Variants in BTBD16 observed in about 807,000 individuals in gnomAD.
BTBD16 encodes BTB domain containing 16.
Under a neutral mutation model 67.4 loss-of-function variants are expected in BTBD16, and 66 were observed. The observed-to-expected ratio is 0.98, with a 90% CI of 0.80 to 1.20. The LOEUF (loss-of-function observed/expected upper bound fraction) is 1.20. BTBD16 is among the 50% of genes most tolerant of loss of function. BTBD16 has a pLI of 0.00. For synonymous variants in BTBD16, 242 were observed against 236.4 expected, an observed-to-expected ratio of 1.02 and a Z score of -0.22; for missense variants, 634 against 616.0, an observed-to-expected ratio of 1.03 and a Z score of -0.31.
At chr10:122,314,649 T>C (rs765955482) in intron 10 of BTBD16, among the ~76,000 whole-genome samples, 9 of 152,254 alleles carry the variant, frequency 5.9e-5, no homozygotes, top group Non-Finnish European at 1.2e-4. Flanking sequence ...TTAAACATTT[T>C]TATATTCTAA....
chr10:122,313,936 A>G (rs910352025), intron 10 of BTBD16, among the ~76,000 whole-genome samples: 3 of 152,180 alleles, frequency 2.0e-5, no homozygotes, highest in African/African-American at 7.2e-5. Context: ...TTGAACCAAT[A>G]CCACACTTTC....
chr10:122,305,921 A>C (rs994328819), intron 9 of BTBD16, among the ~76,000 whole-genome samples: 9 of 151,490 alleles, frequency 5.9e-5, no homozygotes, highest in African/African-American at 1.7e-4. Flanking sequence ...ACATGCCTTC[A>C]CTCTTTTTCA....
At chr10:122,296,816 C>A (rs1048661683) in intron 7 of BTBD16, among the ~76,000 whole-genome samples, 1 of 152,162 alleles carries the variant, frequency 6.6e-6, no homozygotes. Flanking sequence ...TGAGCCCAGA[C>A]GAACTACAAT....
intron 2 of BTBD16, among the ~76,000 whole-genome samples, chr10:122,275,588 A>G (rs953827371): frequency 6.6e-6 from 1 of 152,224 alleles, no homozygotes; most frequent in African/African-American, 2.4e-5. Flanking sequence ...GCTCAAGGTC[A>G]CACAACTAGA....
intron 9 of BTBD16, among the ~76,000 whole-genome samples, chr10:122,300,180 A>C (rs953773566): frequency 6.6e-6 from 1 of 152,182 alleles, no homozygotes. Context: ...AATTCCTAGA[A>C]ATGAAGTTAC....
Position 122,272,676 on chromosome 10 carries a change from AATACAC to A in BTBD16, c.-43+1164_-43+1169del, listed in dbSNP as rs2096331419. On this transcript the variant is annotated intron_variant, in intron 1 of 15. Coordinates refer to ENST00000260723, the MANE Select transcript of BTBD16 (RefSeq NM_144587.5). ...TTTCAAATTAGAGACTGGCAAAGGA[AATACAC>A]ACACACACACACACACACACACACA... Among the ~76,000 whole-genome samples the A allele has an allele frequency of 1.6e-4, 18 of 109,142 alleles. No homozygotes were observed. The South Asian group carries it at 4.3e-3, about 26-fold the overall frequency. The allele number at this position is 109,142 out of a possible 152,430, so 71.6% of individuals were successfully genotyped here. A position where few individuals can be genotyped will look rare whatever the true frequency, so the allele number is the denominator to read the frequency against.
intron 2 of BTBD16, 68 bp downstream of exon 2, chr10:122,275,167 A>G (rs979306019): frequency 1.3e-6 from 2 of 1,500,890 alleles, no homozygotes; most frequent in Non-Finnish European, 1.9e-6. Context: ...CATTTTGACA[A>G]ATTTCCACAA....
chr10:122,291,223 G>A (rs2096373549), intron 7 of BTBD16, 29 bp downstream of exon 7: 4 of 1,598,158 alleles, frequency 2.5e-6, no homozygotes, highest in Admixed American at 3.4e-5. Context: ...CTTTGGGCAG[G>A]GCCGGGCCTG....
chr10:122,331,367 A>G (rs2096454846), intron 12 of BTBD16, 109 bp downstream of exon 12: 3 of 1,440,110 alleles, frequency 2.1e-6, no homozygotes, highest in Non-Finnish European at 2.8e-6. Flanking sequence ...CTCTGAGGTC[A>G]GGACATATCT....
intron 15 of BTBD16, 104 bp downstream of exon 15, chr10:122,336,786 A>G: frequency 9.5e-7 from 1 of 1,052,218 alleles, no homozygotes. Context: ...TACACTGAAG[A>G]TCCCTGGAAA....
chr10:122,296,659 C>T (rs956138338), intron 7 of BTBD16, among the ~76,000 whole-genome samples: 2 of 152,198 alleles, frequency 1.3e-5, no homozygotes, highest in African/African-American at 2.4e-5. Context: ...CCACATAGCA[C>T]GTCTACCACA....
At chr10:122,274,226 CCT>C (rs1373207578) in intron 1 of BTBD16, among the ~76,000 whole-genome samples, 1 of 152,170 alleles carries the variant, frequency 6.6e-6, no homozygotes, top group Non-Finnish European at 1.5e-5. Flanking sequence ...AGGTGTCTGC[CCT>C]CAGGGGCCAA....
chr10:122,302,596 G>C (rs1449682062), intron 9 of BTBD16, among the ~76,000 whole-genome samples: 1 of 152,178 alleles, frequency 6.6e-6, no homozygotes, highest in East Asian at 1.9e-4. Flanking sequence ...TGTTGCATCT[G>C]TCCCATGGCT....
Position 122,291,281 on chromosome 10 carries a change from C to T in BTBD16, c.590+87C>T, listed in dbSNP as rs2096373661. The T allele has an allele frequency of 1.0e-5, 15 of 1,498,970 alleles. No individual in the cohort carries two copies. In the Admixed American group the frequency reaches 2.7e-4, roughly 27 times the overall value. The allele number at this position is 1,498,970 out of a possible 1,614,324, so 92.9% of individuals were successfully genotyped here. ...CTGGCCCATTTGCTGGAACATTCCT[C>T]TTCATTGGGCTAAGACACCTCAGGT... On this transcript the variant is annotated intron_variant, in intron 7 of 15. Coordinates refer to ENST00000260723, the MANE Select transcript of BTBD16 (RefSeq NM_144587.5).
chr10:122,288,423 T>A (rs2096367701), intron 5 of BTBD16, among the ~76,000 whole-genome samples: 1 of 152,168 alleles, frequency 6.6e-6, no homozygotes, highest in Admixed American at 6.5e-5. Flanking sequence ...GGGGAAAGGA[T>A]CCTTTGCTCT....
At chr10:122,277,885 C>G (rs1286217436) in intron 3 of BTBD16, among the ~76,000 whole-genome samples, 1 of 152,186 alleles carries the variant, frequency 6.6e-6, no homozygotes, top group African/African-American at 2.4e-5. Flanking sequence ...CACCTCATTT[C>G]CCTGGTGCCA....
intron 5 of BTBD16, among the ~76,000 whole-genome samples, chr10:122,286,701 A>T (rs1203038755): frequency 2.6e-5 from 4 of 152,122 alleles, no homozygotes; most frequent in Non-Finnish European, 5.9e-5. Flanking sequence ...TGAGGCCCAC[A>T]TGTGTGCATC....
intron 4 of BTBD16, 32 bp from the exon 5 acceptor site, chr10:122,286,073 T>A (rs2096363079): frequency 6.3e-7 from 1 of 1,597,486 alleles, no homozygotes; most frequent in Non-Finnish European, 8.6e-7. Flanking sequence ...ACGTTACTGA[T>A]GTGTTTGCTC....
chr10:122,280,344 A>G (rs1033551910), intron 3 of BTBD16, among the ~76,000 whole-genome samples: 5 of 152,108 alleles, frequency 3.3e-5, no homozygotes, highest in South Asian at 2.1e-4. Context: ...GAGATCCAGC[A>G]CGGGAGGTGT....
Sources: allele counts gnomAD v4.1 joint callset (sites outside exome capture counted in the v4.1 genomes callset), GRCh38; gene constraint gnomAD v4.1.1; transcripts MANE v1.5; gene names NCBI Gene and HGNC (gene_info 2026-07-23, HGNC 2026-07-21).